CCDC170: variants seen among roughly 807,000 people sequenced by gnomAD.
CCDC170 encodes the protein coiled-coil domain containing 170.
A neutral mutation model predicts 72.6 loss-of-function variants in CCDC170; 69 were observed. That is an observed-to-expected ratio of 0.95 (90% confidence interval 0.78 to 1.16). The LOEUF is 1.16. Among genes scored for constraint, CCDC170 ranks in the 50% most tolerant of loss-of-function variants. The pLI, the probability that CCDC170 is intolerant of heterozygous loss-of-function variation, is 0.00. For missense variants in CCDC170, 852 were observed against 832.5 expected, an observed-to-expected ratio of 1.02 and a Z score of -0.29; for synonymous variants, 300 against 303.9, an observed-to-expected ratio of 0.99 and a Z score of 0.13.
intron 1 of CCDC170, among the ~76,000 whole-genome samples, chr6:151,522,630 G>T (rs1332598329): frequency 2.6e-5 from 4 of 152,176 alleles, no homozygotes; most frequent in Non-Finnish European, 5.9e-5. Flanking sequence ...GTGCATCAGG[G>T]AAAAGAACCC....
rs537531736 is a variant in CCDC170 at position 151,583,638 on chromosome 6, A to G, written c.1093-2251A>G. ...ACGTCCAGCTAATTTTTGTATTTTC[A>G]GTAGAGATGGGGTTTCGCCATGTTG... On this transcript the variant is annotated intron_variant, in intron 6 of 10. Coordinates refer to ENST00000239374, the MANE Select transcript of CCDC170 (RefSeq NM_025059.4). Among the ~76,000 whole-genome samples the G allele has an allele frequency of 4.1e-4, 62 of 151,946 alleles. 2 individuals carry two copies. The highest frequency in any genetic ancestry group is 3.1e-3 in the Admixed American group (47 of 15,252).
chr6:151,573,518 C>T (rs765488350), intron 6 of CCDC170, 27 bp downstream of exon 6: 18 of 1,595,416 alleles, frequency 1.1e-5, no homozygotes, highest in African/African-American at 8.0e-5. Context: ...TGTTTACAGA[C>T]ATCTTAAGAA....
chr6:151,584,848 G>A (rs1038911243), intron 6 of CCDC170, among the ~76,000 whole-genome samples: 2 of 152,028 alleles, frequency 1.3e-5, no homozygotes, highest in African/African-American at 4.8e-5. Flanking sequence ...GTTTATAGAT[G>A]GGCAAACAGA....
intron 8 of CCDC170, among the ~76,000 whole-genome samples, chr6:151,594,297 C>T (rs1025939300): frequency 3.9e-5 from 6 of 152,118 alleles, no homozygotes; most frequent in Non-Finnish European, 7.4e-5. Flanking sequence ...GATTATATAC[C>T]TCTCTGTCTC....
chr6:151,506,808 A>T (rs1020077407), intron 1 of CCDC170, among the ~76,000 whole-genome samples: 1 of 152,212 alleles, frequency 6.6e-6, no homozygotes, highest in Non-Finnish European at 1.5e-5. Context: ...GGTGGGCCTC[A>T]TCCAAGCCAT....
chr6:151,575,396 G>A (rs2115092343), intron 6 of CCDC170, among the ~76,000 whole-genome samples: 2 of 143,036 alleles, frequency 1.4e-5, no homozygotes, highest in South Asian at 2.3e-4. Flanking sequence ...TCGTGCCACT[G>A]CACTCCAGCC....
chr6:151,529,181 G>A (rs1449993035), intron 1 of CCDC170, among the ~76,000 whole-genome samples: 1 of 151,970 alleles, frequency 6.6e-6, no homozygotes, highest in South Asian at 2.1e-4. Flanking sequence ...AACAAACAAT[G>A]AATTTATATT....
rs558784040 is a variant in CCDC170, at chr6:151,498,102, T to C, written c.57+3917T>C. ...GAAGCCACAGACATATGGTGGCTTG[T>C]AGGCTCTCTTGCTGTGGCAGTGTTT... On this transcript the variant is annotated intron_variant, in intron 1 of 10. Coordinates refer to ENST00000239374, the MANE Select transcript of CCDC170 (RefSeq NM_025059.4). Among the ~76,000 whole-genome samples, 3 of 152,328 alleles carry C rather than the reference T, an allele frequency of 2.0e-5. No homozygotes were observed. In the South Asian group the frequency reaches 6.2e-4, roughly 32 times the overall value.
chr6:151,562,639 G>A (rs1320757177), intron 5 of CCDC170, among the ~76,000 whole-genome samples: 1 of 152,142 alleles, frequency 6.6e-6, no homozygotes, highest in South Asian at 2.1e-4. Context: ...TGTAGGGCTG[G>A]GGGTGCAGAG....
chr6:151,552,056 T>C (rs1358407057), intron 5 of CCDC170, among the ~76,000 whole-genome samples: 1 of 151,924 alleles, frequency 6.6e-6, no homozygotes, highest in Non-Finnish European at 1.5e-5. Context: ...TTGTTGTTGT[T>C]TTAAATAGCA....
intron 9 of CCDC170, among the ~76,000 whole-genome samples, chr6:151,606,146 C>A (rs1383738433): frequency 6.6e-6 from 1 of 152,198 alleles, no homozygotes; most frequent in Admixed American, 6.5e-5. Flanking sequence ...AGGTGATCCA[C>A]CCACCTGTGC....
chr6:151,577,837 G>A (rs1259720904), intron 6 of CCDC170, among the ~76,000 whole-genome samples: 1 of 152,218 alleles, frequency 6.6e-6, no homozygotes, highest in African/African-American at 2.4e-5. Context: ...TGCATGCGAG[G>A]GATCTAGGTT....
intron 7 of CCDC170, among the ~76,000 whole-genome samples, chr6:151,588,839 G>T (rs371062571): frequency 6.6e-6 from 1 of 152,164 alleles, no homozygotes; most frequent in East Asian, 1.9e-4. Flanking sequence ...TACCTGGGAG[G>T]CTGAGATGGG....
chr6:151,609,520 A>C (rs1308075381), intron 9 of CCDC170, among the ~76,000 whole-genome samples: 1 of 152,238 alleles, frequency 6.6e-6, no homozygotes, highest in East Asian at 1.9e-4. Flanking sequence ...TCTTTAAGGA[A>C]GCAGACAGTA....
chr6:151,512,171 T>TG (rs1782160552), intron 1 of CCDC170, among the ~76,000 whole-genome samples: 1 of 150,072 alleles, frequency 6.7e-6, no homozygotes, highest in Admixed American at 6.6e-5. Flanking sequence ...TGTTTTTTTT[T>TG]TTTTTTGAGA....
rs1453558270 is a variant in CCDC170 at position 151,512,192 on chromosome 6, C to T, written c.57+18007C>T. On this transcript the variant is annotated intron_variant, in intron 1 of 10. Transcript: ENST00000239374. Reference sequence around the variant, plus strand: ...TTTTTTTTTTTGAGATGGAGTCTCGCTCTGTTGCCCAGGCTGGAGTGCAGT... The same window carrying T: ...TTTTTTTTTTTGAGATGGAGTCTCGTTCTGTTGCCCAGGCTGGAGTGCAGT... Among the ~76,000 whole-genome samples the T allele has an allele frequency of 2.1e-5, 3 of 141,694 alleles. No individual in the cohort carries two copies. In the Admixed American group the frequency reaches 2.2e-4, roughly 10 times the overall value. 93.0% of individuals were successfully genotyped at this position (141,694 alleles called of 152,430 possible).
chr6:151,588,562 G>A (rs1776488510), intron 7 of CCDC170, among the ~76,000 whole-genome samples: 1 of 152,190 alleles, frequency 6.6e-6, no homozygotes, highest in Non-Finnish European at 1.5e-5. Flanking sequence ...GGAAATAGGG[G>A]ATAGATTTGA....
At chr6:151,561,477 T>G (rs1238680954) in intron 5 of CCDC170, among the ~76,000 whole-genome samples, 1 of 152,148 alleles carries the variant, frequency 6.6e-6, no homozygotes, top group African/African-American at 2.4e-5. Context: ...TCATGAAGCT[T>G]AGTTTGGTAT....
In CCDC170 at chr6:151,619,019, A is replaced by AG. The variant is rs1228800146; in HGVS notation, c.*872_*873insG. 5.3e-5 allele frequency: 8 copies of AG among 151,544 alleles called. No individual in the cohort carries two copies. The highest frequency in any genetic ancestry group is 5.3e-4 in the Admixed American group (8 of 15,172). 9.4% of individuals were successfully genotyped at this position (151,544 alleles called of 1,614,324 possible). ...ACATCTCAGAAAAAAAAAAAAAAAA[A>AG]AAAAAAAAAAGTTAATGTCCAAAAA... is the stretch of plus-strand genomic sequence containing the variant. On this transcript the variant is annotated 3_prime_UTR_variant, in exon 11 of 11. Transcript: ENST00000239374.
Sources: allele counts gnomAD v4.1 joint callset (sites outside exome capture counted in the v4.1 genomes callset), GRCh38; gene constraint gnomAD v4.1.1; transcripts MANE v1.5; gene names NCBI Gene and HGNC (gene_info 2026-07-23, HGNC 2026-07-21).